Variants in SETD2 observed in about 807,000 individuals in gnomAD.
SETD2 encodes the protein SET domain containing 2, histone lysine methyltransferase.
A neutral mutation model predicts 242.1 loss-of-function variants in SETD2; 31 were observed. The ratio of observed to expected loss-of-function variants is 0.13; its 90% confidence interval spans 0.10 to 0.17. The LOEUF (loss-of-function observed/expected upper bound fraction) is 0.17, where lower values mean the gene tolerates loss of function less well. Ranked by LOEUF, SETD2 falls within the 10% of genes least tolerant of loss-of-function variation. SETD2 has a pLI of 1.00. For synonymous variants in SETD2, 1,006 were observed against 1,066.5 expected, an observed-to-expected ratio of 0.94 and a Z score of 1.11; for missense variants, 2,481 against 3,046.3, an observed-to-expected ratio of 0.81 and a Z score of 4.37.
chr3:47,105,909 A>G (rs1484744533), intron 6 of SETD2, 88 bp downstream of exon 6: 2 of 1,237,052 alleles, frequency 1.6e-6, no homozygotes, highest in Non-Finnish European at 2.1e-6. Context: ...TCTCCAAAAA[A>G]AAAAAAAAAA....
intron 5 of SETD2, among the ~76,000 whole-genome samples, chr3:47,113,150 C>A (rs1237931881): frequency 4.0e-5 from 6 of 150,996 alleles, no homozygotes; most frequent in Admixed American, 4.0e-4. Context: ...GCCATCCAGG[C>A]TAGAATGCAG....
intron 1 of SETD2, 148 bp downstream of exon 1, chr3:47,163,706 C>T: frequency 1.7e-6 from 1 of 598,728 alleles, no homozygotes; most frequent in Non-Finnish European, 2.3e-6. Context: ...AGTGGCGGCG[C>T]GGGCCTGCTC....
intron 16 of SETD2, among the ~76,000 whole-genome samples, chr3:47,045,058 G>C (rs1418503234): frequency 6.6e-6 from 1 of 152,180 alleles, no homozygotes; most frequent in African/African-American, 2.4e-5. Flanking sequence ...TACTCAACCT[G>C]TACGCGGTAA....
At chr3:47,095,671 G>T (rs1187708857) in intron 9 of SETD2, among the ~76,000 whole-genome samples, 1 of 150,622 alleles carries the variant, frequency 6.6e-6, no homozygotes, top group Non-Finnish European at 1.5e-5. Flanking sequence ...CATGTGCAAA[G>T]ATACTAACTT....
rs760529168 is a variant in SETD2 at position 47,062,188 on chromosome 3, G to A, written c.6268C>T (p.Arg2090Trp). The A allele has an allele frequency of 4.3e-6, 7 of 1,613,472 alleles. No homozygotes were observed. The highest frequency in any genetic ancestry group is 1.1e-5 in the South Asian group (1 of 91,012). ...CTGTCATCTGGCCTTTTTGTTCCCC[G>A]CTCATAGGCAGAAGAGGGTGGTGAG... ...SLSPPSSAYE[R>W]GTKRPDDRYD... is the part of the protein sequence containing the mutation. Residue 2090 changes from arginine to tryptophan, a missense_variant, in exon 14 of 21, where the codon CGG (arginine) becomes TGG (tryptophan). Transcript: ENST00000409792.
At position 47,083,886 on chromosome 3, in the gene SETD2, C is replaced by T. The variant is rs1204853330; in HGVS notation, c.5894G>A (p.Ser1965Asn). Residue 1965 changes from serine to asparagine, a missense_variant, in exon 12 of 21, where the codon AGC (serine) becomes AAC (asparagine). By Grantham distance (46) the Ser-to-Asn change is conservative. Around this residue, in one of 17 missense-constraint regions of SETD2, gnomAD observed 203 missense variants for 222.4 expected, o/e 0.91. Transcript: ENST00000409792. ...EADAEIEPKE[S>N]NGTKLEEPIN... is the part of the protein sequence containing the mutation. ...AGGTTCTTCTAGTTTTGTGCCGTTG[C>T]TCTCTTTGGGCTCTATTTCAGCGTC... 1 of 1,614,148 alleles carries T rather than the reference C, an allele frequency of 6.2e-7. No homozygotes were observed. The highest frequency in any genetic ancestry group is 8.5e-7 in the Non-Finnish European group (1 of 1,180,014).
chr3:47,064,575 C>A, intron 13 of SETD2: 1 of 356,762 alleles, frequency 2.8e-6, no homozygotes, highest in Non-Finnish European at 5.9e-6. Flanking sequence ...TATTCTGACT[C>A]TGCACCTTAG....
intron 14 of SETD2, among the ~76,000 whole-genome samples, chr3:47,061,553 G>T (rs2040330404): frequency 6.6e-6 from 1 of 152,122 alleles, no homozygotes; most frequent in Non-Finnish European, 1.5e-5. Flanking sequence ...AATCTATTTA[G>T]TAATTAGGGG....
chr3:47,072,974 GAA>G (rs1209365908), intron 12 of SETD2, among the ~76,000 whole-genome samples: 1 of 134,402 alleles, frequency 7.4e-6, no homozygotes, highest in Non-Finnish European at 1.6e-5. Context: ...AAGAAAGAAA[GAA>G]AAAAAAAAAG....
chr3:47,103,744 G>GCA (rs35888397), intron 6 of SETD2, among the ~76,000 whole-genome samples: 83,644 of 150,904 alleles, frequency 0.55, 23,241 homozygotes, highest in Non-Finnish European at 0.58. Context: ...GCACACGCAC[G>GCA]CACACACACA....
At chr3:47,125,787 A>G (rs2043307816) in intron 2 of SETD2, among the ~76,000 whole-genome samples, 1 of 152,266 alleles carries the variant, frequency 6.6e-6, no homozygotes, top group Admixed American at 6.5e-5. Flanking sequence ...GGCATAACGT[A>G]GGTTGTACAA....
intron 1 of SETD2, among the ~76,000 whole-genome samples, chr3:47,153,587 CAAAAAAAATTTA>C (rs1424511123): frequency 1.3e-5 from 2 of 151,728 alleles, no homozygotes; most frequent in Admixed American, 6.6e-5. Context: ...CCTATCTCTA[CAAAAAAAATTTA>C]AAAATTAGCT....
chr3:47,125,272 T>C (rs1330720578), intron 2 of SETD2, among the ~76,000 whole-genome samples: 1 of 151,588 alleles, frequency 6.6e-6, no homozygotes, highest in East Asian at 1.9e-4. Flanking sequence ...TGAGCCAAGA[T>C]GGCACCACAG....
At chr3:47,063,462 G>T (rs1040013461) in intron 13 of SETD2, among the ~76,000 whole-genome samples, 1 of 152,040 alleles carries the variant, frequency 6.6e-6, no homozygotes, top group East Asian at 1.9e-4. Flanking sequence ...GGGCAACAGA[G>T]CAAGATCCTG....
chr3:47,037,188 G>C (rs940811932), intron 18 of SETD2, among the ~76,000 whole-genome samples: 1 of 146,332 alleles, frequency 6.8e-6, no homozygotes, highest in Non-Finnish European at 1.5e-5. Context: ...GTGCAGGTTT[G>C]TTACATATGT....
rs746564106 is a variant in SETD2 at position 47,067,129 on chromosome 3, T to A, written c.6061-11A>T. ...AATTCGATATACCTCCTGCAAAAAA[T>A]AAACCAGAGGGAGGGTTATTAGTGA... On this transcript the variant is annotated splice_polypyrimidine_tract_variant and intron_variant, in intron 12 of 20. Coordinates refer to ENST00000409792, the MANE Select transcript of SETD2 (RefSeq NM_014159.7). The A allele has an allele frequency of 1.2e-5, 20 of 1,607,468 alleles. No homozygotes were observed. Among genetic ancestry groups the A allele is most frequent in the Admixed American group, 6.7e-5 (4 of 59,926 alleles).
intron 18 of SETD2, among the ~76,000 whole-genome samples, chr3:47,032,531 G>A (rs149147677): frequency 1.5e-4 from 23 of 151,460 alleles, no homozygotes; most frequent in Non-Finnish European, 1.5e-5. Flanking sequence ...TAAGCCAATA[G>A]GAAAAACAAA....
At chr3:47,143,404 C>T (rs1156435893) in intron 1 of SETD2, among the ~76,000 whole-genome samples, 1 of 152,238 alleles carries the variant, frequency 6.6e-6, no homozygotes, top group East Asian at 1.9e-4. Context: ...TTTAAATCCA[C>T]TTTCCACCTA....
In SETD2 at chr3:47,104,100, G is replaced by C. The variant is rs191467249; in HGVS notation, c.4840-677C>G. Among the ~76,000 whole-genome samples, 18 of 152,050 alleles carry C rather than the reference G, an allele frequency of 1.2e-4. No homozygotes were observed. In the East Asian group the frequency reaches 3.3e-3, roughly 28 times the overall value. ...GTTAAACTAAACAGCTCTGGGGTTA[G>C]GTCCCTAGAATTTACATTTCCACAC... On this transcript the variant is annotated intron_variant, in intron 6 of 20. Transcript: ENST00000409792.
Sources: gnomAD v4.1 joint callset for allele counts (sites outside exome capture counted in the v4.1 genomes callset) on GRCh38, gnomAD v4.1.1 for gene constraint, gnomAD v4.1.1 regional missense constraint, MANE v1.5 for transcripts, NCBI Gene and HGNC (gene_info 2026-07-23, HGNC 2026-07-21) for gene names.